Variants in RPL3L observed in about 807,000 individuals in gnomAD.
RPL3L encodes the protein ribosomal protein L3 like.
A neutral mutation model predicts 44.5 loss-of-function variants in RPL3L; 44 were observed. The ratio of observed to expected loss-of-function variants is 0.99; its 90% confidence interval spans 0.78 to 1.27. RPL3L has a LOEUF of 1.27. Ranked by LOEUF, RPL3L falls within the 50% of genes most tolerant of loss-of-function variation. The pLI, the probability that RPL3L is intolerant of heterozygous loss-of-function variation, is 0.00. For missense variants in RPL3L, 631 were observed against 569.1 expected (o/e 1.11, Z -1.11); for synonymous variants, 292 against 230.7 (o/e 1.27, Z -2.41).
In RPL3L at chr16:1,944,879, C is replaced by T; in HGVS notation, c.1182G>A (p.Lys394=). The T allele has an allele frequency of 6.2e-7, 1 of 1,614,046 alleles. No homozygotes were observed. Among genetic ancestry groups the T allele is most frequent in the Non-Finnish European group, 8.5e-7 (1 of 1,180,018 alleles). ...TCTCCGGCGTTTCCTTCTCCAGATG[C>T]TTCTTTTGGGGGCCCTGGTTGAGAG... ...EKRAFMGPQK[K]HLEKETPETS... The change falls in exon 10 of 10, where the codon AAG becomes AAA. Residue 394 remains lysine (K), a synonymous_variant. Coordinates refer to ENST00000268661, the MANE Select transcript of RPL3L (RefSeq NM_005061.3).
chr16:1,952,911 G>C lies in RPL3L; in HGVS notation c.328C>G (p.Leu110Val). The change falls in exon 3 of 10, where the codon CTC (leucine) becomes GTC (valine). Residue 110 changes from leucine to valine, a missense_variant. Coordinates refer to ENST00000268661, the MANE Select transcript of RPL3L (RefSeq NM_005061.3). The stretch of plus-strand genomic sequence containing the variant: ...AATCGGCGCCGGCACTCATCACTGA[G>C]GTGTTCTGCAAAGATGGTCTTGAAG... ...RSFKTIFAEH[L>V]SDECRRRFYK... 6.2e-7 allele frequency: 1 copy of C among 1,613,990 alleles called. No individual in the cohort carries two copies. Among genetic ancestry groups the C allele is most frequent in the South Asian group, 1.1e-5 (1 of 91,076 alleles).
Position 1,945,016 on chromosome 16 carries a change from C to A in RPL3L, c.1168-123G>T, listed in dbSNP as rs2083110103. On this transcript the variant is annotated intron_variant, in intron 9 of 9. Coordinates refer to ENST00000268661, the MANE Select transcript of RPL3L (RefSeq NM_005061.3). The stretch of plus-strand genomic sequence containing the variant: ...GCCCCCCTAAGGCTGCTTCCTCCCC[C>A]ACCTTCTCTTCTAAAGAATCAGTGC... The A allele has an allele frequency of 1.1e-5, 13 of 1,225,102 alleles. No individual in the cohort carries two copies. The South Asian group carries it at 1.5e-4, about 14-fold the overall frequency. The allele number at this position is 1,225,102 out of a possible 1,614,324, so 75.9% of individuals were successfully genotyped here.
rs748195277 is a variant in RPL3L at position 1,953,059 on chromosome 16, G to T, written c.197-17C>A. 6.3e-7 allele frequency: 1 copy of T among 1,576,220 alleles called. No individual in the cohort carries two copies. Among genetic ancestry groups the T allele is most frequent in the Non-Finnish European group, 8.6e-7 (1 of 1,161,444 alleles). On this transcript the variant is annotated splice_polypyrimidine_tract_variant and intron_variant, in intron 2 of 9. Coordinates refer to ENST00000268661, the MANE Select transcript of RPL3L (RefSeq NM_005061.3). ...TGGAAATTTCTGGATGAGACACAGG[G>T]ATGGGGCATGAAGGGGGACCTCCTG...
chr16:1,953,176 G>A (rs953103912), intron 2 of RPL3L, 134 bp from the exon 3 acceptor site: 26 of 869,704 alleles, frequency 3.0e-5, no homozygotes, highest in Non-Finnish European at 4.4e-5. Flanking sequence ...CAGAGGGTGG[G>A]GCTGAGCCCA....
intron 4 of RPL3L, among the ~76,000 whole-genome samples, chr16:1,947,938 ATTTTTTTTTTTT>A (rs1158555053): frequency 1.8e-5 from 2 of 109,998 alleles, no homozygotes; most frequent in Non-Finnish European, 3.6e-5. Flanking sequence ...ATCTGATTGG[ATTTTTTTTTTTT>A]TTTTTTTTTT....
intron 2 of RPL3L, 124 bp downstream of exon 2, chr16:1,953,832 C>CG (rs1416635360): frequency 9.5e-7 from 1 of 1,050,354 alleles, no homozygotes; most frequent in Non-Finnish European, 1.3e-6. Flanking sequence ...CCCCAATTCC[C>CG]GGGGGCGAGG....
chr16:1,954,592 T>G, intron 1 of RPL3L, 37 bp downstream of exon 1: 8 of 1,512,616 alleles, frequency 5.3e-6, no homozygotes, highest in Non-Finnish European at 7.1e-6. Context: ...GAGTTCCAGC[T>G]CCAACCCCAG....
rs998027560 is a variant in RPL3L at position 1,945,721 on chromosome 16, C to A, written c.1048-103G>T. ...GAAGGTCTTGCTCACCTAGTTCCTACCAGAGCCCTCCCCTTCTGCTCCCAC... is the reference window on the plus strand; with the variant it reads ...GAAGGTCTTGCTCACCTAGTTCCTAACAGAGCCCTCCCCTTCTGCTCCCAC... On this transcript the variant is annotated intron_variant, in intron 8 of 9. Transcript: ENST00000268661. The A allele has an allele frequency of 2.9e-5, 47 of 1,601,116 alleles. No individual in the cohort carries two copies. In the African/African-American group the frequency reaches 5.2e-4, roughly 18 times the overall value.
Position 1,944,478 on chromosome 16 carries a change from A to C in RPL3L, c.*359T>G, listed in dbSNP as rs1041704811. 3 of 182,252 alleles carry C rather than the reference A, an allele frequency of 1.6e-5. No individual in the cohort carries two copies. The highest frequency in any genetic ancestry group is 3.5e-5 in the Non-Finnish European group (3 of 86,388). The allele number at this position is 182,252 out of a possible 1,614,324, so 11.3% of individuals were successfully genotyped here. Reference sequence around the variant, plus strand: ...GCTCACTGGCTCTCCCCACCCGCCAAGTTATCCTTAAAAACTCTGCTCCCC... The same window carrying C: ...GCTCACTGGCTCTCCCCACCCGCCACGTTATCCTTAAAAACTCTGCTCCCC... On this transcript the variant is annotated 3_prime_UTR_variant, in exon 10 of 10. Transcript: ENST00000268661.
intron 9 of RPL3L, among the ~76,000 whole-genome samples, chr16:1,945,213 G>A (rs1159460488): frequency 1.3e-5 from 2 of 152,082 alleles, no homozygotes; most frequent in African/African-American, 2.4e-5. Context: ...AAATTAGCCT[G>A]GCGTGGTGGC....
Position 1,953,030 on chromosome 16 carries a change from C to G in RPL3L, c.209G>C (p.Arg70Pro). 1.3e-6 allele frequency: 2 copies of G among 1,597,188 alleles called. No individual in the cohort carries two copies. Among genetic ancestry groups the G allele is most frequent in the Non-Finnish European group, 1.7e-6 (2 of 1,171,406 alleles). Reference protein sequence around the residue: ...VHRPGLKISKREEVEAVTIVE... With the variant: ...VHRPGLKISKPEEVEAVTIVE... Reference sequence around the variant, plus strand: ...AATTGTCACCGCCTCCACCTCCTCCCGTTTGGAAATTTCTGGATGAGACAC... The same window carrying G: ...AATTGTCACCGCCTCCACCTCCTCCGGTTTGGAAATTTCTGGATGAGACAC... Residue 70 changes from arginine to proline, a missense_variant, in exon 3 of 10, where the codon CGG (arginine) becomes CCG (proline). Arg to Pro is a moderately radical substitution (Grantham distance 103, BLOSUM62 -2). Coordinates refer to ENST00000268661, the MANE Select transcript of RPL3L (RefSeq NM_005061.3).
In RPL3L at chr16:1,944,761, A is replaced by G. The variant is rs2083107565; in HGVS notation, c.*76T>C. The G allele has an allele frequency of 1.9e-6, 3 of 1,596,754 alleles. No homozygotes were observed. The highest frequency in any genetic ancestry group is 2.6e-6 in the Non-Finnish European group (3 of 1,164,720). On this transcript the variant is annotated 3_prime_UTR_variant, in exon 10 of 10. Coordinates refer to ENST00000268661, the MANE Select transcript of RPL3L (RefSeq NM_005061.3). ...CACAGCGCTCTGAGACCTCGCAGGAAGAGTCGCCTCCGGCCTTTGTTAGAC... is the reference window on the plus strand; with the variant it reads ...CACAGCGCTCTGAGACCTCGCAGGAGGAGTCGCCTCCGGCCTTTGTTAGAC...
At chr16:1,952,700 G>A (rs1256282734) in intron 3 of RPL3L, among the ~76,000 whole-genome samples, 174 bp downstream of exon 3, 1 of 151,916 alleles carries the variant, frequency 6.6e-6, no homozygotes, top group Non-Finnish European at 1.5e-5. Flanking sequence ...TGAAATGAAG[G>A]CAACCACACA....
chr16:1,945,501 T>TG lies in RPL3L; in HGVS notation c.1164dup (p.Met389HisfsTer39), dbSNP rs1302952577. ...AAGGATGGGGGCGGTGAGCTCACCA[T>TG]GAAGGCCCTCTTCTCTTGGGCTGTC... On this transcript the variant is annotated frameshift_variant, in exon 9 of 10. Transcript: ENST00000268661. LOFTEE classifies it high-confidence loss of function. 2 of 1,610,934 alleles carry TG rather than the reference T, an allele frequency of 1.2e-6. No individual in the cohort carries two copies. Among genetic ancestry groups the TG allele is most frequent in the African/African-American group, 2.7e-5 (2 of 74,852 alleles).
At chr16:1,954,494 T>C (rs917421251) in intron 1 of RPL3L, 135 bp downstream of exon 1, 2 of 1,042,586 alleles carry the variant, frequency 1.9e-6, no homozygotes, top group South Asian at 1.8e-5. Context: ...CGTCCCCTTG[T>C]TTCCCCCTCC....
chr16:1,950,026 G>A (rs1597028095), intron 4 of RPL3L, among the ~76,000 whole-genome samples: 1 of 139,746 alleles, frequency 7.2e-6, no homozygotes, highest in African/African-American at 2.8e-5. Context: ...GTAGGGAGCA[G>A]GTATGGACGG....
chr16:1,953,308 T>G (rs566111695), intron 2 of RPL3L, among the ~76,000 whole-genome samples: 1 of 152,240 alleles, frequency 6.6e-6, no homozygotes, highest in South Asian at 2.1e-4. Context: ...CAGCCTTGAC[T>G]TCCCAAGCTC....
chr16:1,947,464 G>A, intron 4 of RPL3L, 84 bp from the exon 5 acceptor site: 2 of 1,411,190 alleles, frequency 1.4e-6, no homozygotes, highest in East Asian at 2.5e-5. Flanking sequence ...AGTGACCCCT[G>A]CCGCCTTCCA....
intron 4 of RPL3L, among the ~76,000 whole-genome samples, chr16:1,948,023 T>C (rs75060851): frequency 0.61 from 90,902 of 148,070 alleles, 28,702 homozygotes; most frequent in East Asian, 0.79. Flanking sequence ...CTGCAAGCTC[T>C]GCCTCCCGGG....
Sources: gnomAD v4.1 joint callset for allele counts (sites outside exome capture counted in the v4.1 genomes callset) on GRCh38, gnomAD v4.1.1 for gene constraint, MANE v1.5 for transcripts, NCBI Gene and HGNC (gene_info 2026-07-23, HGNC 2026-07-21) for gene names.